The following RSF1 variants were observed in gnomAD, a reference collection of about 807,000 sequenced individuals.
RSF1 encodes the protein remodeling and spacing factor 1, also known as HBV pX-associated protein 8.
A neutral mutation model predicts 145.2 loss-of-function variants in RSF1; 13 were observed. The observed-to-expected ratio is 0.09, with a 90% CI of 0.06 to 0.14. The LOEUF (loss-of-function observed/expected upper bound fraction) is 0.14. Ranked by LOEUF, RSF1 falls within the 10% of genes least tolerant of loss-of-function variation. The pLI is 1.00. For synonymous variants in RSF1, 577 were observed against 592.6 expected, an observed-to-expected ratio of 0.97 and a Z score of 0.38; for missense variants, 1,517 against 1,718.2, an observed-to-expected ratio of 0.88 and a Z score of 2.07.
chr11:77,676,509 G>C (rs1313203933), intron 13 of RSF1, among the ~76,000 whole-genome samples: 1 of 152,064 alleles, frequency 6.6e-6, no homozygotes, highest in Admixed American at 6.5e-5. Flanking sequence ...GTGGCACAGA[G>C]GTACAGAGAA....
chr11:77,851,767 A>G, the RSF1 span, among the ~76,000 whole-genome samples: 1 of 152,132 alleles, frequency 6.6e-6, no homozygotes, highest in Non-Finnish European at 1.5e-5. Context: ...AGGCCTCCTC[A>G]GAAGTCAAGC....
the RSF1 span, among the ~76,000 whole-genome samples, chr11:77,832,279 A>T: frequency 6.6e-6 from 1 of 151,920 alleles, no homozygotes. Flanking sequence ...ATATAAATTT[A>T]TTCTTTGAGT....
chr11:77,823,960 T>C (rs1949057406), upstream of RSF1, among the ~76,000 whole-genome samples: 1 of 152,088 alleles, frequency 6.6e-6, no homozygotes, highest in Non-Finnish European at 1.5e-5. Context: ...CTTTTCTCAC[T>C]GCTCACACTG....
chr11:77,751,193 G>C (rs1948058948), intron 2 of RSF1, among the ~76,000 whole-genome samples: 1 of 152,142 alleles, frequency 6.6e-6, no homozygotes, highest in Non-Finnish European at 1.5e-5. Context: ...CAAATACATA[G>C]ACTTTATCTC....
intron 1 of RSF1, among the ~76,000 whole-genome samples, chr11:77,794,078 T>A (rs755348039): frequency 3.3e-5 from 5 of 152,012 alleles, no homozygotes; most frequent in Admixed American, 6.6e-5. Flanking sequence ...GACTCCAGTA[T>A]AATAACAGTG....
At chr11:77,702,804 G>A in intron 5 of RSF1, 1 of 197,140 alleles carries the variant, frequency 5.1e-6, no homozygotes, top group Non-Finnish European at 1.0e-5. Flanking sequence ...TTCAAGAGAT[G>A]GCTTAAAAAC....
intron 5 of RSF1, among the ~76,000 whole-genome samples, chr11:77,716,245 T>G (rs867739708): frequency 6.6e-6 from 1 of 152,042 alleles, no homozygotes; most frequent in African/African-American, 2.4e-5. Flanking sequence ...TATTAAGTAC[T>G]ATAGGATTCA....
chr11:77,727,612 G>A (rs1287231084), intron 4 of RSF1, among the ~76,000 whole-genome samples: 1 of 151,688 alleles, frequency 6.6e-6, no homozygotes, highest in Non-Finnish European at 1.5e-5. Context: ...GAGTAGCTGG[G>A]ATTACAGGCA....
chr11:77,781,012 C>T (rs1948398014), intron 1 of RSF1, among the ~76,000 whole-genome samples: 1 of 152,042 alleles, frequency 6.6e-6, no homozygotes, highest in South Asian at 2.1e-4. Flanking sequence ...CATGATGTTT[C>T]TGAGATACAC....
At chr11:77,836,180 T>G in the RSF1 span, among the ~76,000 whole-genome samples, 1 of 151,514 alleles carries the variant, frequency 6.6e-6, no homozygotes, top group East Asian at 2.0e-4. Context: ...TACTATTTCC[T>G]CAAACATATT....
At chr11:77,832,202 T>C in the RSF1 span, among the ~76,000 whole-genome samples, 1 of 152,188 alleles carries the variant, frequency 6.6e-6, no homozygotes, top group Admixed American at 6.5e-5. Flanking sequence ...CTTACAATTA[T>C]AGGTTTGGAA....
At chr11:77,735,030 G>C (rs965352144) in intron 4 of RSF1, 1 of 1,501,980 alleles carries the variant, frequency 6.7e-7, no homozygotes, top group Non-Finnish European at 9.2e-7. Context: ...TCCTCATGGC[G>C]GCGACTAAGG....
At chr11:77,785,072 T>C (rs1004071359) in intron 1 of RSF1, among the ~76,000 whole-genome samples, 1 of 152,218 alleles carries the variant, frequency 6.6e-6, no homozygotes, top group African/African-American at 2.4e-5. Flanking sequence ...TCTCTCTCTG[T>C]TTCTGCGGTC....
intron 3 of RSF1, among the ~76,000 whole-genome samples, chr11:77,742,856 CTT>C (rs899224396): frequency 6.6e-6 from 1 of 152,098 alleles, no homozygotes; most frequent in Admixed American, 6.6e-5. Flanking sequence ...ATATTGAACT[CTT>C]TTAGTAGTTT....
rs1286417202 is a variant in RSF1 at position 77,663,777 on chromosome 11, T to C, written c.*3140A>G. The C allele has an allele frequency of 1.3e-5, 2 of 152,226 alleles. No homozygotes were observed. Among genetic ancestry groups the C allele is most frequent in the Non-Finnish European group, 2.9e-5 (2 of 68,042 alleles). The allele number at this position is 152,226 out of a possible 1,614,324, so 9.4% of individuals were successfully genotyped here. On this transcript the variant is annotated 3_prime_UTR_variant, in exon 16 of 16. Coordinates refer to ENST00000308488, the MANE Select transcript of RSF1 (RefSeq NM_016578.4). ...TTCACACATATTTCAGTTCAAAGCT[T>C]CTGCTGTGTGAAAAGCTGACTAGTT...
chr11:77,822,248 T>G (rs952058139), upstream of RSF1, among the ~76,000 whole-genome samples: 2 of 151,838 alleles, frequency 1.3e-5, no homozygotes, highest in African/African-American at 4.8e-5. Context: ...CAGACCAGCC[T>G]GGGCAACATG....
At chr11:77,870,362 GA>G in the RSF1 span, among the ~76,000 whole-genome samples, 1 of 134,416 alleles carries the variant, frequency 7.4e-6, no homozygotes, top group African/African-American at 2.8e-5. Flanking sequence ...TTTTGAGACG[GA>G]GTCTTGTTCT....
intron 1 of RSF1, among the ~76,000 whole-genome samples, chr11:77,782,220 G>A (rs1376493804): frequency 6.6e-6 from 1 of 152,124 alleles, no homozygotes; most frequent in Non-Finnish European, 1.5e-5. Flanking sequence ...GAGACAGCAG[G>A]TTTAGAACAA....
At chr11:77,847,532 G>A in the RSF1 span, among the ~76,000 whole-genome samples, 2 of 152,134 alleles carry the variant, frequency 1.3e-5, no homozygotes, top group Admixed American at 6.6e-5. Flanking sequence ...ACCTAGATTG[G>A]TAAAAAGAAT....
Sources: allele counts gnomAD v4.1 joint callset (sites outside exome capture counted in the v4.1 genomes callset), GRCh38; gene constraint gnomAD v4.1.1; transcripts MANE v1.5; gene names NCBI Gene and HGNC (gene_info 2026-07-23, HGNC 2026-07-21).